The following CUX1 variants were observed in gnomAD, a reference collection of about 807,000 sequenced individuals.
CUX1 encodes the protein protein CASP.
CUX1 carries 31 observed loss-of-function variants against 158.8 expected under a neutral mutation model. The observed-to-expected ratio is 0.20, with a 90% confidence interval of 0.15 to 0.26. The LOEUF is 0.26. Among genes scored for constraint, CUX1 ranks in the 10% least tolerant of loss-of-function variants. The probability of loss-of-function intolerance (pLI) is 1.00; values close to 1 mark genes in which losing one functional copy is unlikely to be tolerated. For synonymous variants in CUX1, 879 were observed against 862.1 expected, an observed-to-expected ratio of 1.02 and a Z score of -0.34; for missense variants, 1,589 against 2,014.6, an observed-to-expected ratio of 0.79 and a Z score of 4.04.
intron 1 of CUX1, among the ~76,000 whole-genome samples, chr7:101,877,748 C>G (rs1799295087): frequency 6.7e-6 from 1 of 149,176 alleles, no homozygotes; most frequent in Non-Finnish European, 1.5e-5. Context: ...ACATTAAAAT[C>G]CCTCCAATTG....
chr7:101,969,359 C>CAAAAAAAAAAAAAAAAAAAAAAAACAAGA (rs10711703), intron 2 of CUX1, among the ~76,000 whole-genome samples: 1 of 56,112 alleles, frequency 1.8e-5, no homozygotes, highest in Non-Finnish European at 3.2e-5. Context: ...CAAAAAACAG[C>CAAAAAAAAAAAAAAAAAAAAAAAACAAGA]AAAAAAAAAA....
chr7:102,129,576 C>G (rs868963695), intron 8 of CUX1, among the ~76,000 whole-genome samples: 23 of 152,060 alleles, frequency 1.5e-4, no homozygotes, highest in African/African-American at 4.6e-4. Context: ...CCCAGCTACT[C>G]GGGAGGCTGA....
At chr7:101,924,523 G>A (rs1194779147) in intron 2 of CUX1, among the ~76,000 whole-genome samples, 1 of 151,644 alleles carries the variant, frequency 6.6e-6, no homozygotes, top group Non-Finnish European at 1.5e-5. Context: ...TTGACGTGAG[G>A]ATTTAGCAAA....
intron 2 of CUX1, among the ~76,000 whole-genome samples, chr7:102,009,296 C>T (rs1312547118): frequency 6.6e-6 from 1 of 152,152 alleles, no homozygotes; most frequent in East Asian, 1.9e-4. Context: ...TGACGCTGAC[C>T]GCACAAATGA....
intron 1 of CUX1, among the ~76,000 whole-genome samples, chr7:101,853,621 G>C (rs1443301175): frequency 6.8e-6 from 1 of 147,572 alleles, no homozygotes; most frequent in Non-Finnish European, 1.5e-5. Context: ...GTGTGTGTGT[G>C]TCGGGGTAAA....
At chr7:102,224,355 C>T (rs976589623) in intron 20 of CUX1, among the ~76,000 whole-genome samples, 3 of 152,252 alleles carry the variant, frequency 2.0e-5, no homozygotes, top group South Asian at 4.1e-4. Context: ...TACAGGCACC[C>T]GCCACCATGC....
rs1008322658 is a variant in CUX1 at position 101,916,027 on chromosome 7, C to T, written c.31-88C>T. The T allele has an allele frequency of 3.3e-6, 3 of 906,172 alleles. No homozygotes were observed. Among genetic ancestry groups the T allele is most frequent in the Non-Finnish European group, 5.5e-6 (3 of 544,590 alleles). 56.1% of individuals were successfully genotyped at this position (906,172 alleles called of 1,614,324 possible). On this transcript the variant is annotated intron_variant, in intron 1 of 23. Transcript: ENST00000292535. The surrounding 1 kb of genome is among the most constrained non-coding windows in gnomAD (Gnocchi z 4.4). ...CCTTAGAGCCACTGGGGTCTCTCCC[C>T]CAGTGTTCTGGTCAAATGCAAATAG...
At chr7:101,868,840 C>T (rs575312001) in intron 1 of CUX1, among the ~76,000 whole-genome samples, 19 of 152,138 alleles carry the variant, frequency 1.2e-4, no homozygotes, top group Non-Finnish European at 2.8e-4. Flanking sequence ...GGGATGGGAG[C>T]AGTGGCTTGG....
intron 20 of CUX1, among the ~76,000 whole-genome samples, chr7:102,226,656 ACT>A (rs1798374544): frequency 6.6e-6 from 1 of 152,064 alleles, no homozygotes; most frequent in African/African-American, 2.4e-5. Flanking sequence ...ATGGAGTCTC[ACT>A]CTCACTCTGT....
At chr7:101,828,012 T>C (rs1383671201) in intron 1 of CUX1, among the ~76,000 whole-genome samples, 13 of 143,544 alleles carry the variant, frequency 9.1e-5, no homozygotes, top group Admixed American at 8.5e-4. Flanking sequence ...AGTTTTACCC[T>C]GTCACCCAGG....
chr7:102,235,701 C>CA (rs781946936), intron 22 of CUX1, among the ~76,000 whole-genome samples: 1,804 of 88,576 alleles, frequency 0.02, 73 homozygotes, highest in African/African-American at 0.072. Context: ...GACCCCATCT[C>CA]AAAAAAAAAA....
In CUX1 at chr7:102,220,480, G is replaced by A. The variant is rs12673473; in HGVS notation, c.3131-6887G>A. Among the ~76,000 whole-genome samples, 199 of 152,322 alleles carry A rather than the reference G, an allele frequency of 1.3e-3. 2 individuals are homozygous for A. In the East Asian group the frequency reaches 0.034, roughly 26 times the overall value. On this transcript the variant is annotated intron_variant, in intron 20 of 23. Coordinates refer to ENST00000292535, the MANE Select transcript of CUX1 (RefSeq NM_181552.4). Reference sequence around the variant, plus strand: ...CTGTTTAGAGCACAGGGTCAGTTCCGGAGCAGGTCTGGTGCCCACATCACG... The same window carrying A: ...CTGTTTAGAGCACAGGGTCAGTTCCAGAGCAGGTCTGGTGCCCACATCACG...
At position 102,274,267 on chromosome 7, in the gene CUX1, G is replaced by A. The variant is rs781817976; in HGVS notation, c.1407G>A (p.Glu469=). 1 of 1,613,692 alleles carries A rather than the reference G, an allele frequency of 6.2e-7. No homozygotes were observed. Reference sequence around the variant, plus strand: ...AGGGTGCCGCTGAGCACCGCCTGGAGAAGATCCCAGAGCCCATCAAAGAGG... The same window carrying A: ...AGGGTGCCGCTGAGCACCGCCTGGAAAAGATCCCAGAGCCCATCAAAGAGG... The change falls in exon 16 of 23, where the codon GAG becomes GAA. Residue 469 remains glutamate (E), a synonymous_variant. Coordinates refer to the CUX1 transcript ENST00000292538.
chr7:102,189,364 GC>G (rs144888127), intron 11 of CUX1, among the ~76,000 whole-genome samples: 44,669 of 131,966 alleles, frequency 0.34, 8,496 homozygotes, highest in Non-Finnish European at 0.4. Context: ...TTTTTTGGGT[GC>G]GGGGGGGGAT....
At chr7:102,266,137 G>A (rs1419616530) in intron 14 of CUX1, among the ~76,000 whole-genome samples, 4 of 151,270 alleles carry the variant, frequency 2.6e-5, no homozygotes, top group African/African-American at 9.7e-5. Context: ...CCAAGAGGTG[G>A]AGGTTGCAGT....
At position 102,257,611 on chromosome 7, in the gene CUX1, C is replaced by A; in HGVS notation, c.*8569C>A. On this transcript the variant is annotated 3_prime_UTR_variant, in exon 24 of 24. Coordinates refer to ENST00000292535, the MANE Select transcript of CUX1 (RefSeq NM_181552.4). The stretch of plus-strand genomic sequence containing the variant: ...AACTCTTTGCTGCTTGCCTTGAGAG[C>A]GGGTAGCACCACGCTCCTGTCCAGA... The A allele has an allele frequency of 1.0e-6, 1 of 985,390 alleles. No individual in the cohort carries two copies. Among genetic ancestry groups the A allele is most frequent in the Non-Finnish European group, 1.2e-6 (1 of 829,924 alleles). The allele number at this position is 985,390 out of a possible 1,614,324, so 61.0% of individuals were successfully genotyped here.
chr7:101,996,043 C>T (rs940057137), intron 2 of CUX1, among the ~76,000 whole-genome samples: 14 of 151,032 alleles, frequency 9.3e-5, no homozygotes, highest in Admixed American at 8.6e-4. Context: ...ACCCAGGAGG[C>T]GGAGATTGCA....
chr7:101,866,720 A>G (rs1254312638), intron 1 of CUX1, among the ~76,000 whole-genome samples: 1 of 152,224 alleles, frequency 6.6e-6, no homozygotes, highest in Admixed American at 6.5e-5. Context: ...AGCTCGTTAA[A>G]TAAATTGTTG....
At chr7:101,883,887 T>A (rs1799965418) in intron 1 of CUX1, among the ~76,000 whole-genome samples, 2 of 151,938 alleles carry the variant, frequency 1.3e-5, no homozygotes, top group Admixed American at 1.3e-4. Flanking sequence ...TGAGCCACCA[T>A]GCCCGGCCCA....
Sources: allele counts gnomAD v4.1 joint callset (sites outside exome capture counted in the v4.1 genomes callset), GRCh38; gene constraint gnomAD v4.1.1; non-coding constraint Gnocchi (gnomAD v3.1); transcripts MANE v1.5; gene names NCBI Gene and HGNC (gene_info 2026-07-23, HGNC 2026-07-21).